Variants in C1orf94 observed in about 807,000 individuals in gnomAD.
The protein encoded by C1orf94 is uncharacterized protein C1orf94.
A neutral mutation model predicts 53.6 loss-of-function variants in C1orf94; 45 were observed. The ratio of observed to expected loss-of-function variants is 0.84; its 90% confidence interval spans 0.66 to 1.08. The LOEUF (loss-of-function observed/expected upper bound fraction) is 1.08. Among genes scored for constraint, C1orf94 ranks in the 50% least tolerant of loss-of-function variants. The probability of loss-of-function intolerance (pLI) is 0.00; values close to 1 mark genes in which losing one functional copy is unlikely to be tolerated. For synonymous variants in C1orf94, 304 were observed against 296.1 expected (o/e 1.03, Z -0.27); for missense variants, 762 against 738.9 (o/e 1.03, Z -0.36).
chr1:34,197,489 C>A lies in C1orf94; in HGVS notation c.585C>A (p.Ser195Arg). The change falls in exon 2 of 7, where the codon AGC (serine) becomes AGA (arginine). Residue 195 changes from serine to arginine, a missense_variant. By Grantham distance (110) the Ser-to-Arg change is moderately radical (BLOSUM62 -1). Coordinates refer to ENST00000488417, the MANE Select transcript of C1orf94 (RefSeq NM_001134734.2). This position sits in a 1 kb window ranked among gnomAD's most constrained non-coding sequence, Gnocchi z 4.1. Reference protein sequence around the residue: ...LKQKVAMPVISSRQDCDSATS... With the variant: ...LKQKVAMPVIRSRQDCDSATS... ...AGAAGGTGGCCATGCCCGTTATCAG[C>A]AGCAGGCAGGACTGTGATTCTGCCA... 4 of 1,614,116 alleles carry A rather than the reference C, an allele frequency of 2.5e-6. No homozygotes were observed. The highest frequency in any genetic ancestry group is 3.4e-6 in the Non-Finnish European group (4 of 1,180,020).
In C1orf94 at chr1:34,212,345, C is replaced by A. The variant is rs758727588; in HGVS notation, c.1660C>A (p.Pro554Thr). The change falls in exon 6 of 7, where the codon CCC becomes ACC. Residue 554 changes from proline (P) to threonine (T), a missense_variant. Physicochemically the swap from Pro to Thr is conservative, Grantham distance 38. Transcript: ENST00000488417. ...GACACCTCCAAAGATGTCTGCCAAC[C>A]CCCGAGACCCTCCCCTAATGGCAGG... is the stretch of plus-strand genomic sequence containing the variant. Reference protein sequence around the residue: ...QRTPPKMSANPRDPPLMAGDG... With the variant: ...QRTPPKMSANTRDPPLMAGDG... The A allele has an allele frequency of 1.1e-5, 17 of 1,613,886 alleles. No individual in the cohort carries two copies. The highest frequency in any genetic ancestry group is 9.9e-5 in the South Asian group (9 of 91,036).
intron 6 of C1orf94, among the ~76,000 whole-genome samples, chr1:34,213,117 G>C (rs1642922351): frequency 6.6e-6 from 1 of 152,154 alleles, no homozygotes; most frequent in Non-Finnish European, 1.5e-5. Context: ...ATGCTCCAAG[G>C]GGCACGTGGT....
chr1:34,198,450 GACTT>G (rs915795399), intron 2 of C1orf94, among the ~76,000 whole-genome samples: 4 of 152,284 alleles, frequency 2.6e-5, no homozygotes, highest in Admixed American at 1.3e-4. Context: ...TGTTTCCTGG[GACTT>G]ACTTTATTGA....
chr1:34,212,254 C>T lies in C1orf94; in HGVS notation c.1569C>T (p.Arg523=). The T allele has an allele frequency of 6.2e-7, 1 of 1,613,574 alleles. No individual in the cohort carries two copies. Among genetic ancestry groups the T allele is most frequent in the Non-Finnish European group, 8.5e-7 (1 of 1,179,752 alleles). The change falls in exon 6 of 7, where the codon CGC becomes CGT. Residue 523 remains arginine, a synonymous_variant. Coordinates refer to ENST00000488417, the MANE Select transcript of C1orf94 (RefSeq NM_001134734.2). ...NPQQMGQQIF[R]SSYTPLLSYI... is the part of the protein sequence containing the mutation. ...AGCAGATGGGACAGCAGATCTTCCG[C>T]TCTTCCTACACCCCTCTGCTGAGCT... is the stretch of plus-strand genomic sequence containing the variant.
chr1:34,169,066 G>A lies in C1orf94; in HGVS notation c.-251+1895G>A, dbSNP rs188047478. On this transcript the variant is annotated intron_variant, in intron 1 of 6. Coordinates refer to the C1orf94 transcript ENST00000373374. ...TAGACAGCTCTGAATATGAAAGGTA[G>A]GTTTTCATTTCTGGGAAAGAGACGC... 2.6e-5 allele frequency among the ~76,000 whole-genome samples: 4 copies of A among 152,288 alleles called. No individual in the cohort carries two copies. In the East Asian group the frequency reaches 5.8e-4, roughly 22 times the overall value.
intron 1 of C1orf94, among the ~76,000 whole-genome samples, chr1:34,186,381 C>G (rs1355793207): frequency 6.6e-6 from 1 of 152,220 alleles, no homozygotes; most frequent in Non-Finnish European, 1.5e-5. Flanking sequence ...TCATCATCAT[C>G]ATCACCATTC....
In C1orf94 at chr1:34,212,406, G is replaced by T. The variant is rs115637399; in HGVS notation, c.1721G>T (p.Gly574Val). The change falls in exon 6 of 7, where the codon GGG becomes GTG. Residue 574 changes from glycine (G) to valine (V), a missense_variant and splice_region_variant. By Grantham distance (109) the Gly-to-Val change is moderately radical. Coordinates refer to ENST00000488417, the MANE Select transcript of C1orf94 (RefSeq NM_001134734.2). ...CAGTACCTCTTTCCCCAAGGATATG[G>T]GTGAGTCAGCCCACACTGGGAGCCT... is the stretch of plus-strand genomic sequence containing the variant. ...GPQYLFPQGY[G>V]FGSTSGGPLM... 7.3e-5 allele frequency: 117 copies of T among 1,609,508 alleles called. 1 individual carries two copies. In the African/African-American group the frequency reaches 1.3e-3, roughly 18 times the overall value.
intron 6 of C1orf94, among the ~76,000 whole-genome samples, chr1:34,217,108 C>T (rs1319645997): frequency 2.0e-5 from 3 of 152,082 alleles, no homozygotes; most frequent in African/African-American, 7.2e-5. Context: ...AATAATTATA[C>T]CAGAAATACC....
At chr1:34,215,905 C>T (rs1237266649) in intron 6 of C1orf94, among the ~76,000 whole-genome samples, 4 of 152,144 alleles carry the variant, frequency 2.6e-5, no homozygotes, top group Non-Finnish European at 5.9e-5. Flanking sequence ...ACTCGGGAGG[C>T]TGAGGCAGGA....
At chr1:34,205,692 C>A (rs1642780778) in intron 4 of C1orf94, among the ~76,000 whole-genome samples, 1 of 152,150 alleles carries the variant, frequency 6.6e-6, no homozygotes, top group South Asian at 2.1e-4. Context: ...GCTCCACAGA[C>A]CTTGAGGGGA....
intron 1 of C1orf94, among the ~76,000 whole-genome samples, chr1:34,180,634 T>A (rs910246518): frequency 6.6e-6 from 1 of 152,218 alleles, no homozygotes; most frequent in African/African-American, 2.4e-5. Flanking sequence ...GGGGCATCTT[T>A]GAATAGTCAA....
intron 1 of C1orf94, among the ~76,000 whole-genome samples, chr1:34,191,411 G>A (rs1205479194): frequency 6.6e-6 from 1 of 151,902 alleles, no homozygotes; most frequent in Non-Finnish European, 1.5e-5. Context: ...CCCTCTCCCT[G>A]ACCTCCCCCA....
At chr1:34,187,876 A>G (rs989876992) in intron 1 of C1orf94, among the ~76,000 whole-genome samples, 4 of 149,932 alleles carry the variant, frequency 2.7e-5, no homozygotes, top group African/African-American at 7.4e-5. Flanking sequence ...GAAGCAGGGT[A>G]TCTCACTTCC....
In C1orf94 at chr1:34,218,653, C is replaced by T. The variant is rs767848461; in HGVS notation, c.1722-33C>T. 2.4e-5 allele frequency: 37 copies of T among 1,554,426 alleles called. No individual in the cohort carries two copies. The Middle Eastern group carries it at 5.1e-4, about 22-fold the overall frequency. On this transcript the variant is annotated intron_variant, in intron 6 of 6. Transcript: ENST00000488417. ...AATTCTCTCCGATAACATTAGGAAT[C>T]TCATCATGGCATCCACCCTCCCTCT...
At chr1:34,187,593 A>G (rs1642402987) in intron 1 of C1orf94, among the ~76,000 whole-genome samples, 1 of 152,120 alleles carries the variant, frequency 6.6e-6, no homozygotes, top group Admixed American at 6.5e-5. Context: ...ACATTAAAAA[A>G]AAAAAACACC....
chr1:34,190,665 G>A (rs1029410446), intron 1 of C1orf94, among the ~76,000 whole-genome samples: 3 of 152,180 alleles, frequency 2.0e-5, no homozygotes, highest in Admixed American at 6.5e-5. Context: ...GTTTTTTAGA[G>A]CAACATAGCT....
At position 34,197,985 on chromosome 1, in the gene C1orf94, T is replaced by C. The variant is rs767459244; in HGVS notation, c.1009+72T>C. On this transcript the variant is annotated intron_variant, in intron 2 of 6. Coordinates refer to ENST00000488417, the MANE Select transcript of C1orf94 (RefSeq NM_001134734.2). This position sits in a 1 kb window ranked among gnomAD's most constrained non-coding sequence, Gnocchi z 4.1. ...TCCTTCCCAGGAAGCCAATCAGGGC[T>C]GCAGCATGTACATAAAGCATCTTCA... 3 of 1,424,256 alleles carry C rather than the reference T, an allele frequency of 2.1e-6. No homozygotes were observed. Among genetic ancestry groups the C allele is most frequent in the Non-Finnish European group, 1.9e-6 (2 of 1,050,768 alleles). 88.2% of individuals were successfully genotyped at this position (1,424,256 alleles called of 1,614,324 possible). A position where few individuals can be genotyped will look rare whatever the true frequency, so the allele number is the denominator to read the frequency against.
In C1orf94 at chr1:34,177,867, C is replaced by T. The variant is rs1053329954; in HGVS notation, c.78C>T (p.Ser26=). 7.8e-5 allele frequency: 121 copies of T among 1,551,110 alleles called. No homozygotes were observed. The highest frequency in any genetic ancestry group is 1.0e-4 in the Non-Finnish European group (115 of 1,146,662). ...GFQKERRRMA[S]GNGLPSSSAL... ...AGAAAGAGAGGAGGAGGATGGCCAG[C>T]GGGAATGGGCTTCCTTCATCCTCGG... Residue 26 remains serine (S), a synonymous_variant, in exon 1 of 7, where the codon AGC becomes AGT. Coordinates refer to ENST00000488417, the MANE Select transcript of C1orf94 (RefSeq NM_001134734.2).
At chr1:34,191,597 C>T (rs1642493344) in intron 1 of C1orf94, among the ~76,000 whole-genome samples, 1 of 152,144 alleles carries the variant, frequency 6.6e-6, no homozygotes, top group South Asian at 2.1e-4. Flanking sequence ...TGTGCCTGAC[C>T]CCAGAGCCCT....
Sources: gnomAD v4.1 joint callset for allele counts (sites outside exome capture counted in the v4.1 genomes callset) on GRCh38, gnomAD v4.1.1 for gene constraint, Gnocchi (gnomAD v3.1) non-coding constraint, MANE v1.5 for transcripts, NCBI Gene and HGNC (gene_info 2026-07-23, HGNC 2026-07-21) for gene names.